The following TBC1D30 variants were observed in gnomAD, a reference collection of about 807,000 sequenced individuals.
The protein encoded by TBC1D30 is TBC1 domain family, member 30.
TBC1D30 carries 31 observed loss-of-function variants against 63.2 expected under a neutral mutation model. The observed-to-expected ratio is 0.49, with a 90% CI of 0.37 to 0.66. The LOEUF (loss-of-function observed/expected upper bound fraction) is 0.66, where lower values mean the gene tolerates loss of function less well. TBC1D30 is among the 30% of genes least tolerant of loss of function. The pLI, the probability that TBC1D30 is intolerant of heterozygous loss-of-function variation, is 0.00. For missense variants in TBC1D30, 810 were observed against 953.6 expected, an observed-to-expected ratio of 0.85 and a Z score of 1.98; for synonymous variants, 307 against 361.5, an observed-to-expected ratio of 0.85 and a Z score of 1.71.
chr12:64,780,789 G>A (rs907749202), exon 1 of TBC1D30: 10 of 990,218 alleles, frequency 1.0e-5, no homozygotes, highest in Non-Finnish European at 1.2e-5. Flanking sequence ...CGGGAGCCGG[G>A]CAGCCGCGCG....
rs1056510161 is a variant in TBC1D30, at chr12:64,775,392, T to C, written c.-375-10489T>C. Among the ~76,000 whole-genome samples, 29 of 152,124 alleles carry C rather than the reference T, an allele frequency of 1.9e-4. 1 individual carries two copies. The highest frequency in any genetic ancestry group is 6.6e-5 in the Admixed American group (1 of 15,262). The stretch of plus-strand genomic sequence containing the variant: ...TGCTGTCTTCAAGAGACCCATCTCA[T>C]GTGCAATGACACACATAGGCTCAAA... On this transcript the variant is annotated intron_variant, in intron 1 of 13. Transcript: ENST00000674237.
At chr12:64,808,024 T>G (rs567460341) in intron 2 of TBC1D30, among the ~76,000 whole-genome samples, 1 of 150,188 alleles carries the variant, frequency 6.7e-6, no homozygotes, top group Non-Finnish European at 1.5e-5. Flanking sequence ...GAAAGTGCTA[T>G]GATTTAACAG....
At chr12:64,851,596 G>A (rs1876878830) in intron 8 of TBC1D30, among the ~76,000 whole-genome samples, 2 of 152,142 alleles carry the variant, frequency 1.3e-5, no homozygotes, top group Non-Finnish European at 2.9e-5. Context: ...TGCTCATTAG[G>A]TGATGCAGTT....
intron 2 of TBC1D30, chr12:64,818,914 TAGTG>T (rs1277785930): frequency 1.3e-5 from 2 of 152,194 alleles, no homozygotes; most frequent in African/African-American, 4.8e-5. Flanking sequence ...GCTCAAGTAG[TAGTG>T]AGTCAGTTTC....
Position 64,875,060 on chromosome 12 carries a change from C to G in TBC1D30, c.1558C>G (p.His520Asp), listed in dbSNP as rs1049932466. 1 of 1,536,624 alleles carries G rather than the reference C, an allele frequency of 6.5e-7. No homozygotes were observed. The highest frequency in any genetic ancestry group is 8.7e-7 in the Non-Finnish European group (1 of 1,147,052). The change falls in exon 12 of 12, where the codon CAC becomes GAC. Residue 520 changes from histidine (H) to aspartate (D), a missense_variant. By Grantham distance (81) the His-to-Asp change is moderately conservative (BLOSUM62 -1). Around this residue, in one of 4 missense-constraint regions of TBC1D30, gnomAD observed 450 missense variants for 473.0 expected, o/e 0.95. Coordinates refer to ENST00000539867, the MANE Select transcript of TBC1D30 (RefSeq NM_015279.2). ...GGTAAACAGTTCTCCAGTTATAAACCACCTTCTTTTAGGAAAGAAGATGAA... is the reference window on the plus strand; with the variant it reads ...GGTAAACAGTTCTCCAGTTATAAACGACCTTCTTTTAGGAAAGAAGATGAA... ...SQVNSSPVIN[H>D]LLLGKKMKMT... is the part of the protein sequence containing the mutation.
intron 2 of TBC1D30, among the ~76,000 whole-genome samples, chr12:64,801,151 C>T (rs145535306): frequency 0.012 from 1,781 of 152,354 alleles, 17 homozygotes; most frequent in Non-Finnish European, 0.02. Flanking sequence ...TCTGTCTTCT[C>T]TCTCCCTGCC....
intron 1 of TBC1D30, among the ~76,000 whole-genome samples, chr12:64,761,153 T>G (rs1351829227): frequency 6.6e-6 from 1 of 152,248 alleles, no homozygotes; most frequent in East Asian, 1.9e-4. Context: ...TTAGAATAAC[T>G]AATCCTTCTG....
At chr12:64,821,533 T>C (rs1654194499), upstream of TBC1D30, among the ~76,000 whole-genome samples, 1 of 152,206 alleles carries the variant, frequency 6.6e-6, no homozygotes, top group African/African-American at 2.4e-5. Flanking sequence ...AAGACGAGAC[T>C]GTGCATGCAG....
At chr12:64,781,429 CGTGGCACAGATTTATGTCCACACTTA>C (rs1871281662) in intron 1 of TBC1D30, 1 of 882,364 alleles carries the variant, frequency 1.1e-6, no homozygotes, top group African/African-American at 1.8e-5. Context: ...TGGTACCCAC[CGTGGCACAGATTTATGTCCACACTTA>C]GTTCTTAAGT....
chr12:64,868,583 T>G, intron 10 of TBC1D30: 1 of 312,304 alleles, frequency 3.2e-6, no homozygotes, highest in Non-Finnish European at 6.1e-6. Context: ...GAAGCATCTT[T>G]TCGGCAAACT....
At chr12:64,814,427 A>G (rs1316043249) in intron 2 of TBC1D30, among the ~76,000 whole-genome samples, 1 of 151,134 alleles carries the variant, frequency 6.6e-6, no homozygotes, top group Non-Finnish European at 1.5e-5. Context: ...AATTTAAAAA[A>G]AAATTTACTG....
intron 2 of TBC1D30, among the ~76,000 whole-genome samples, chr12:64,798,896 T>C (rs1872439275): frequency 6.8e-6 from 1 of 147,504 alleles, no homozygotes; most frequent in African/African-American, 2.5e-5. Context: ...CACTGCAAGC[T>C]CCGCCTCCCT....
At chr12:64,772,237 C>CAAA (rs747871090) in intron 1 of TBC1D30, among the ~76,000 whole-genome samples, 2 of 49,314 alleles carry the variant, frequency 4.1e-5, no homozygotes, top group Non-Finnish European at 4.2e-5. Context: ...AACTCTGTCT[C>CAAA]AAAAAAAAAA....
At chr12:64,843,352 T>C in intron 7 of TBC1D30, 28 bp from the exon 8 acceptor site, 1 of 1,528,516 alleles carries the variant, frequency 6.5e-7, no homozygotes, top group Non-Finnish European at 8.8e-7. Flanking sequence ...CCTAAACAAG[T>C]TGTATTTTCT....
intron 8 of TBC1D30, among the ~76,000 whole-genome samples, chr12:64,857,272 T>C (rs1877387796): frequency 6.6e-6 from 1 of 152,156 alleles, no homozygotes; most frequent in South Asian, 2.1e-4. Flanking sequence ...CTGGTTGTTA[T>C]TCAGGGTCCA....
intron 3 of TBC1D30, 82 bp downstream of exon 3, chr12:64,828,591 T>G: frequency 1.1e-6 from 1 of 916,512 alleles, no homozygotes; most frequent in South Asian, 1.5e-5. Context: ...AAAAATATAT[T>G]CTAGGTTTAG....
intron 8 of TBC1D30, among the ~76,000 whole-genome samples, chr12:64,846,260 C>T (rs544671562): frequency 2.0e-5 from 3 of 152,330 alleles, no homozygotes. Context: ...GGGTATTACT[C>T]AAGAAATTTT....
intron 8 of TBC1D30, among the ~76,000 whole-genome samples, chr12:64,849,894 C>T (rs956660127): frequency 6.6e-6 from 1 of 152,172 alleles, no homozygotes; most frequent in Non-Finnish European, 1.5e-5. Flanking sequence ...ATTGATTCTT[C>T]CTATCCATGA....
At chr12:64,808,184 A>C (rs1872996543) in intron 2 of TBC1D30, among the ~76,000 whole-genome samples, 2 of 151,960 alleles carry the variant, frequency 1.3e-5, no homozygotes, top group Non-Finnish European at 2.9e-5. Context: ...ACAATTTATC[A>C]CATTCTCTCT....
Sources: allele counts gnomAD v4.1 joint callset (sites outside exome capture counted in the v4.1 genomes callset), GRCh38; gene constraint gnomAD v4.1.1; regional missense constraint gnomAD v4.1.1; transcripts MANE v1.5; gene names NCBI Gene and HGNC (gene_info 2026-07-23, HGNC 2026-07-21).